The following DIAPH2 variants were observed in gnomAD, a reference collection of about 807,000 sequenced individuals.
DIAPH2 encodes the protein protein diaphanous homolog 2.
DIAPH2 carries 35 observed loss-of-function variants against 92.7 expected under a neutral mutation model. That is an observed-to-expected ratio of 0.38 (90% CI 0.29 to 0.50). The LOEUF (loss-of-function observed/expected upper bound fraction) is 0.50, where lower values mean the gene tolerates loss of function less well. Ranked by LOEUF, DIAPH2 falls within the 20% of genes least tolerant of loss-of-function variation. The pLI is 0.94. For missense variants in DIAPH2, 701 were observed against 819.5 expected (o/e 0.86, Z 1.77); for synonymous variants, 301 against 280.4 (o/e 1.07, Z -0.73).
At chrX:96,767,361 G>A (rs1268010020) in intron 4 of DIAPH2, among the ~76,000 whole-genome samples, 1 of 110,754 alleles carries the variant, frequency 9.0e-6, no homozygotes, top group African/African-American at 3.3e-5. Context: ...TTCTGTCTCT[G>A]CTATCCAAGG....
chrX:97,019,616 G>A (rs1602720831), intron 17 of DIAPH2, among the ~76,000 whole-genome samples: 2 of 110,150 alleles, frequency 1.8e-5, no homozygotes, highest in Admixed American at 2.0e-4. Context: ...TATATGGATG[G>A]AATTCTAATA....
At chrX:97,235,150 T>C (rs960730883) in intron 22 of DIAPH2, among the ~76,000 whole-genome samples, 1 of 112,668 alleles carries the variant, frequency 8.9e-6, no homozygotes, top group African/African-American at 3.2e-5. Flanking sequence ...TGAGACCAGT[T>C]GCTATTTAAA....
chrX:96,726,096 G>A (rs1423005773), intron 1 of DIAPH2, among the ~76,000 whole-genome samples: 1 of 111,494 alleles, frequency 9.0e-6, no homozygotes, highest in Non-Finnish European at 1.9e-5. Context: ...CATATGTCTG[G>A]GTACATTGCT....
intron 22 of DIAPH2, among the ~76,000 whole-genome samples, chrX:97,203,853 G>T (rs2067773701): frequency 9.0e-6 from 1 of 111,413 alleles, no homozygotes; most frequent in Non-Finnish European, 1.9e-5. Context: ...CCAAAATGTG[G>T]CAGAGACACA....
At chrX:97,559,029 G>A (rs913210538) in intron 26 of DIAPH2, among the ~76,000 whole-genome samples, 7 of 112,082 alleles carry the variant, frequency 6.2e-5, no homozygotes, top group African/African-American at 1.3e-4. Context: ...TTCAGCTTCT[G>A]TTGGGTTTAT....
chrX:97,586,310 C>T (rs937025876), intron 26 of DIAPH2, among the ~76,000 whole-genome samples: 1 of 110,362 alleles, frequency 9.1e-6, no homozygotes, highest in Non-Finnish European at 1.9e-5. Context: ...ACCATTCTCC[C>T]AAACATATAG....
At chrX:97,235,601 C>CAAAAA (rs10563336) in intron 22 of DIAPH2, among the ~76,000 whole-genome samples, 5 of 53,322 alleles carry the variant, frequency 9.4e-5, no homozygotes, top group African/African-American at 2.8e-4. Flanking sequence ...GAGACTACGT[C>CAAAAA]AAAAAAAAAA....
At chrX:97,095,650 G>T (rs1602338936) in intron 19 of DIAPH2, among the ~76,000 whole-genome samples, 1 of 110,799 alleles carries the variant, frequency 9.0e-6, no homozygotes, top group Non-Finnish European at 1.9e-5. Context: ...TTATGTTTTG[G>T]CAAGAAGGAA....
intron 4 of DIAPH2, among the ~76,000 whole-genome samples, chrX:96,758,699 G>A (rs1035091505): frequency 4.5e-5 from 5 of 111,617 alleles, no homozygotes; most frequent in South Asian, 3.7e-4. Flanking sequence ...TTTTTAATTC[G>A]CAGTTAGCTT....
At chrX:96,835,896 C>T (rs1345857329) in intron 4 of DIAPH2, among the ~76,000 whole-genome samples, 1 of 110,368 alleles carries the variant, frequency 9.1e-6, no homozygotes, top group Admixed American at 9.7e-5. Flanking sequence ...TCACTGCAGC[C>T]TCAACTTCCC....
At chrX:97,463,058 G>T (rs1437844490) in intron 26 of DIAPH2, among the ~76,000 whole-genome samples, 1 of 110,929 alleles carries the variant, frequency 9.0e-6, no homozygotes, top group Non-Finnish European at 1.9e-5. Context: ...TTCAGGGCAG[G>T]ATGTATTATA....
At chrX:97,571,815 C>A (rs1050396401) in intron 26 of DIAPH2, among the ~76,000 whole-genome samples, 1 of 111,638 alleles carries the variant, frequency 9.0e-6, no homozygotes, top group Non-Finnish European at 1.9e-5. Flanking sequence ...GAGGCAAATG[C>A]ATTTTTACAC....
chrX:97,576,051 A>C (rs755118688), intron 26 of DIAPH2, among the ~76,000 whole-genome samples: 5 of 111,217 alleles, frequency 4.5e-5, no homozygotes, highest in Non-Finnish European at 7.5e-5. Context: ...GCAGCCATGG[A>C]TGGATTTAAG....
At chrX:96,868,518 T>G (rs2147732203) in intron 4 of DIAPH2, among the ~76,000 whole-genome samples, 1 of 111,929 alleles carries the variant, frequency 8.9e-6, no homozygotes, top group Admixed American at 9.5e-5. Flanking sequence ...AATTTCTAAC[T>G]GAAATAGCCT....
intron 17 of DIAPH2, among the ~76,000 whole-genome samples, chrX:96,975,102 G>A (rs1027672423): frequency 8.9e-6 from 1 of 111,790 alleles, no homozygotes; most frequent in Non-Finnish European, 1.9e-5. Flanking sequence ...ATAAATATTT[G>A]AAATGCATAT....
chrX:97,067,154 G>A (rs1364039585), intron 17 of DIAPH2, among the ~76,000 whole-genome samples: 5 of 111,473 alleles, frequency 4.5e-5, no homozygotes, highest in African/African-American at 6.5e-5. Flanking sequence ...TCCCTCCTAA[G>A]GTTTGGTGAA....
chrX:97,456,191 T>TC (rs369901349), intron 26 of DIAPH2, among the ~76,000 whole-genome samples: 61 of 111,104 alleles, frequency 5.5e-4, no homozygotes, highest in African/African-American at 1.9e-3. Flanking sequence ...ATCGAGACCA[T>TC]CTGGCTAACA....
In DIAPH2 at chrX:97,199,098, G is replaced by A. The variant is rs1453776299; in HGVS notation, c.2720-48617G>A. 2.7e-5 allele frequency among the ~76,000 whole-genome samples: 3 copies of A among 110,060 alleles called. No individual in the cohort carries two copies. In the Admixed American group the frequency reaches 2.9e-4, roughly 11 times the overall value. The stretch of plus-strand genomic sequence containing the variant: ...TAGCCATAAGCTAAGGCATGTTTCA[G>A]AGGAAGGCAGTGCTGAGTTTTTCTC... On this transcript the variant is annotated intron_variant, in intron 22 of 26. Transcript: ENST00000324765.
At chrX:97,095,927 A>C (rs1331431947) in intron 19 of DIAPH2, among the ~76,000 whole-genome samples, 2 of 112,124 alleles carry the variant, frequency 1.8e-5, no homozygotes, top group African/African-American at 6.5e-5. Context: ...TGTGAACTTC[A>C]GTTCATTGAC....
Sources: gnomAD v4.1 joint callset for allele counts (sites outside exome capture counted in the v4.1 genomes callset) on GRCh38, gnomAD v4.1.1 for gene constraint, MANE v1.5 for transcripts, NCBI Gene and HGNC (gene_info 2026-07-23, HGNC 2026-07-21) for gene names.